The following GRAP2 variants were observed in gnomAD, a reference collection of about 807,000 sequenced individuals.
GRAP2 encodes the protein GRB2-related adapter protein 2.
A neutral mutation model predicts 43.5 loss-of-function variants in GRAP2; 31 were observed. The ratio of observed to expected loss-of-function variants is 0.71; its 90% confidence interval spans 0.54 to 0.96. GRAP2 has a LOEUF of 0.96. GRAP2 is among the 40% of genes least tolerant of loss of function. The probability of loss-of-function intolerance (pLI) is 0.00; values close to 1 mark genes in which losing one functional copy is unlikely to be tolerated. For synonymous variants in GRAP2, 156 were observed against 164.8 expected, an observed-to-expected ratio of 0.95 and a Z score of 0.41; for missense variants, 371 against 424.4, an observed-to-expected ratio of 0.87 and a Z score of 1.11.
chr22:39,942,468 C>T (rs533503743), intron 1 of GRAP2, among the ~76,000 whole-genome samples: 1 of 152,122 alleles, frequency 6.6e-6, no homozygotes, highest in Non-Finnish European at 1.5e-5. Flanking sequence ...TACTTCATTT[C>T]GTATACAAGA....
intron 1 of GRAP2, among the ~76,000 whole-genome samples, chr22:39,922,872 G>A (rs2066664675): frequency 1.3e-5 from 2 of 152,030 alleles, no homozygotes; most frequent in African/African-American, 2.4e-5. Flanking sequence ...GTGAAACCCC[G>A]TTCTACTAAA....
At chr22:39,926,185 G>C (rs1159405416) in intron 1 of GRAP2, among the ~76,000 whole-genome samples, 1 of 152,184 alleles carries the variant, frequency 6.6e-6, no homozygotes, top group Non-Finnish European at 1.5e-5. Flanking sequence ...AATGACAGTT[G>C]CATATTTGTC....
chr22:39,960,960 T>TC (rs1194537263), intron 4 of GRAP2: 1 of 150,706 alleles, frequency 6.6e-6, no homozygotes, highest in East Asian at 1.9e-4. Context: ...CTTCTTTTTT[T>TC]TTTTTTTTTT....
intron 4 of GRAP2, chr22:39,963,866 C>T (rs2067143494): frequency 6.5e-6 from 1 of 153,304 alleles, no homozygotes; most frequent in Non-Finnish European, 1.4e-5. Flanking sequence ...AAATACAAAA[C>T]TTAGCCGGGC....
rs2067170570 is a variant in GRAP2 at position 39,966,122 on chromosome 22, G to T, written c.423G>T (p.Lys141Asn). 1.2e-6 allele frequency: 2 copies of T among 1,614,004 alleles called. No individual in the cohort carries two copies. The highest frequency in any genetic ancestry group is 2.2e-5 in the South Asian group (2 of 91,084). ...GGACAAATTCCATCTCCAGACAGAAGCAGATCTTCCTTAGAGACAGAACCC... is the reference window on the plus strand; with the variant it reads ...GGACAAATTCCATCTCCAGACAGAATCAGATCTTCCTTAGAGACAGAACCC... ...YYRTNSISRQ[K>N]QIFLRDRTRE... Residue 141 changes from lysine (K) to asparagine (N), a missense_variant, in exon 5 of 8, where the codon AAG (lysine) becomes AAT (asparagine). Coordinates refer to ENST00000344138, the MANE Select transcript of GRAP2 (RefSeq NM_004810.4).
intron 1 of GRAP2, among the ~76,000 whole-genome samples, chr22:39,922,617 G>A (rs1038693454): frequency 1.3e-5 from 2 of 152,146 alleles, no homozygotes; most frequent in Non-Finnish European, 2.9e-5. Context: ...AAATCACTCT[G>A]GAAGCAATGA....
intron 2 of GRAP2, among the ~76,000 whole-genome samples, chr22:39,952,674 A>G (rs1255645980): frequency 6.6e-6 from 1 of 152,214 alleles, no homozygotes; most frequent in Non-Finnish European, 1.5e-5. Context: ...AAACTCAAAT[A>G]TGGGACACAC....
the GRAP2 span, among the ~76,000 whole-genome samples, chr22:39,895,450 A>G: frequency 6.6e-6 from 1 of 152,194 alleles, no homozygotes; most frequent in Non-Finnish European, 1.5e-5. Flanking sequence ...CCAGAGGGAA[A>G]TCGAAAAGGT....
intron 3 of GRAP2, among the ~76,000 whole-genome samples, chr22:39,957,593 G>C (rs747479841): frequency 1.3e-5 from 2 of 152,004 alleles, no homozygotes; most frequent in Non-Finnish European, 2.9e-5. Flanking sequence ...AAACACACAC[G>C]CTGCAATTTC....
At chr22:39,948,227 C>T (rs2066944772) in intron 2 of GRAP2, 1 of 152,148 alleles carries the variant, frequency 6.6e-6, no homozygotes, top group South Asian at 2.1e-4. Flanking sequence ...CTTCTAACTG[C>T]TCTCAACTTT....
intron 2 of GRAP2, among the ~76,000 whole-genome samples, chr22:39,955,426 T>A (rs1319891084): frequency 3.5e-5 from 5 of 143,010 alleles, no homozygotes; most frequent in African/African-American, 7.5e-5. Context: ...AAAAAAAAAA[T>A]ACACCGTGGA....
chr22:39,960,520 G>A (rs2067108185), intron 4 of GRAP2: 2 of 223,076 alleles, frequency 9.0e-6, no homozygotes, highest in Non-Finnish European at 1.8e-5. Flanking sequence ...ATTTGTGGAA[G>A]GAAGGAGGGA....
intron 3 of GRAP2, among the ~76,000 whole-genome samples, chr22:39,958,323 C>T (rs968506343): frequency 6.6e-6 from 1 of 152,130 alleles, no homozygotes; most frequent in African/African-American, 2.4e-5. Context: ...CATTAATCTC[C>T]CACCCACAGC....
chr22:39,939,525 G>T (rs1315235759), intron 1 of GRAP2, among the ~76,000 whole-genome samples: 1 of 129,680 alleles, frequency 7.7e-6, no homozygotes, highest in African/African-American at 3.1e-5. Context: ...TCTTGCCACT[G>T]CACTCCAGCC....
intron 4 of GRAP2, chr22:39,964,386 C>T (rs943121280): frequency 5.3e-5 from 40 of 760,700 alleles, no homozygotes; most frequent in Non-Finnish European, 7.6e-5. Context: ...TGTCCAGCCA[C>T]GAAGGTGGCA....
intron 1 of GRAP2, among the ~76,000 whole-genome samples, chr22:39,923,658 A>G (rs2066672898): frequency 6.6e-6 from 1 of 152,254 alleles, no homozygotes; most frequent in Non-Finnish European, 1.5e-5. Flanking sequence ...GAGTAAAAAG[A>G]AACAGTCATT....
chr22:39,916,432 A>G lies in GRAP2; in HGVS notation c.-15+15102A>G, dbSNP rs571667010. On this transcript the variant is annotated intron_variant, in intron 1 of 7. Coordinates refer to ENST00000344138, the MANE Select transcript of GRAP2 (RefSeq NM_004810.4). ...ACCCCTCTGAAATGGAACAGGGTCT[A>G]TTAGACTCATAAAAAGCCTCAGTGA... 1.4e-4 allele frequency among the ~76,000 whole-genome samples: 21 copies of G among 152,378 alleles called. No homozygotes were observed. The South Asian group carries it at 4.1e-3, about 30-fold the overall frequency.
chr22:39,961,670 A>G (rs1375731810), intron 4 of GRAP2, among the ~76,000 whole-genome samples: 1 of 152,232 alleles, frequency 6.6e-6, no homozygotes, highest in African/African-American at 2.4e-5. Context: ...TGAGGATCGC[A>G]AGTCACGTAT....
chr22:39,917,045 C>T (rs2066608839), intron 1 of GRAP2, among the ~76,000 whole-genome samples: 1 of 152,142 alleles, frequency 6.6e-6, no homozygotes, highest in Non-Finnish European at 1.5e-5. Flanking sequence ...AATTGCTTCT[C>T]TTTGGTATTC....
Sources: gnomAD v4.1 joint callset for allele counts (sites outside exome capture counted in the v4.1 genomes callset) on GRCh38, gnomAD v4.1.1 for gene constraint, MANE v1.5 for transcripts, NCBI Gene and HGNC (gene_info 2026-07-23, HGNC 2026-07-21) for gene names.